AGBL1: variants seen among roughly 807,000 people sequenced by gnomAD.
AGBL1 encodes the protein AGBL carboxypeptidase 1, also known as cytosolic carboxypeptidase 4.
In AGBL1, 130 loss-of-function variants were observed where a neutral mutation model predicts 118.9. The ratio of observed to expected loss-of-function variants is 1.09; its 90% CI spans 0.95 to 1.26. The LOEUF (loss-of-function observed/expected upper bound fraction) is 1.26. Among genes scored for constraint, AGBL1 ranks in the 50% most tolerant of loss-of-function variants. AGBL1 has a pLI of 0.00. For missense variants in AGBL1, 1,584 were observed against 1,298.1 expected (o/e 1.22, Z -3.38); for synonymous variants, 555 against 478.9 (o/e 1.16, Z -2.08).
chr15:86,630,832 G>A (rs1384958536), intron 21 of AGBL1: 2 of 152,186 alleles, frequency 1.3e-5, no homozygotes, highest in Non-Finnish European at 2.9e-5. Flanking sequence ...AAAATGTAGA[G>A]GTAAGTAAAA....
chr15:86,718,743 A>G (rs1243098589), intron 22 of AGBL1, among the ~76,000 whole-genome samples: 2 of 152,214 alleles, frequency 1.3e-5, no homozygotes, highest in African/African-American at 4.8e-5. Flanking sequence ...GTATGTAGCC[A>G]GGAGGAGGCC....
At chr15:86,167,458 C>G in intron 5 of AGBL1, among the ~76,000 whole-genome samples, 1 of 152,138 alleles carries the variant, frequency 6.6e-6, no homozygotes, top group Non-Finnish European at 1.5e-5. Context: ...GTTGGCCAGG[C>G]TGATCTTGAA....
intron 17 of AGBL1, among the ~76,000 whole-genome samples, chr15:86,338,722 A>G (rs1191410357): frequency 6.6e-6 from 1 of 152,142 alleles, no homozygotes; most frequent in Non-Finnish European, 1.5e-5. Context: ...AAATGGTTTG[A>G]ATGGGCTGCC....
intron 23 of AGBL1, among the ~76,000 whole-genome samples, chr15:86,922,473 G>A (rs1448322701): frequency 6.6e-6 from 1 of 152,132 alleles, no homozygotes; most frequent in Non-Finnish European, 1.5e-5. Flanking sequence ...TGTATTTTTA[G>A]TAGAGACAGG....
chr15:86,354,456 G>T (rs2080680989), intron 17 of AGBL1, among the ~76,000 whole-genome samples: 1 of 152,174 alleles, frequency 6.6e-6, no homozygotes, highest in Non-Finnish European at 1.5e-5. Context: ...TGTCAGAAAA[G>T]GACCAGGGAT....
intron 3 of AGBL1, among the ~76,000 whole-genome samples, chr15:86,150,055 A>T (rs2077086693): frequency 6.6e-6 from 1 of 152,236 alleles, no homozygotes; most frequent in South Asian, 2.1e-4. Flanking sequence ...TGAAGGCAGA[A>T]ATAAAGATGT....
At chr15:86,364,943 G>A (rs1480633741) in intron 17 of AGBL1, among the ~76,000 whole-genome samples, 2 of 113,116 alleles carry the variant, frequency 1.8e-5, no homozygotes, top group African/African-American at 6.8e-5. Context: ...GAGCCGCATT[G>A]ATTTATATGT....
intron 22 of AGBL1, among the ~76,000 whole-genome samples, chr15:86,761,609 A>G (rs891253203): frequency 2.6e-5 from 4 of 152,078 alleles, no homozygotes; most frequent in African/African-American, 9.7e-5. Context: ...TCTCAACTGC[A>G]ATGAAATTTG....
At chr15:86,704,205 A>G (rs1429570008) in intron 22 of AGBL1, among the ~76,000 whole-genome samples, 1 of 152,204 alleles carries the variant, frequency 6.6e-6, no homozygotes, top group Non-Finnish European at 1.5e-5. Flanking sequence ...AACCTAGGCA[A>G]TACCATTCAG....
intron 18 of AGBL1, among the ~76,000 whole-genome samples, chr15:86,475,160 A>G (rs1009114466): frequency 1.3e-5 from 2 of 152,228 alleles, no homozygotes; most frequent in African/African-American, 2.4e-5. Context: ...TCTAAAAATC[A>G]GAGTGCCTCT....
At chr15:86,224,776 G>T in intron 5 of AGBL1, 138 bp from the exon 6 acceptor site, 1 of 771,548 alleles carries the variant, frequency 1.3e-6, no homozygotes, top group South Asian at 1.6e-5. Context: ...TGGTCAGCGG[G>T]GCAATCAATA....
chr15:86,257,994 T>C lies in AGBL1; in HGVS notation c.932T>C (p.Val311Ala). The C allele has an allele frequency of 2.5e-6, 4 of 1,613,764 alleles. No individual in the cohort carries two copies. The highest frequency in any genetic ancestry group is 3.4e-6 in the Non-Finnish European group (4 of 1,179,812). ...EDFEDDGDDE[V>A]DKDSDTEDGK... ...TTTGAAGATGATGGCGATGATGAAG[T>C]GGACAAAGACTCTGATACTGAAGAT... The change falls in exon 9 of 23, where the codon GTG becomes GCG. Residue 311 changes from valine (V) to alanine (A), a missense_variant. Physicochemically the swap from Val to Ala is moderately conservative, Grantham distance 64. Transcript: ENST00000614907.
At chr15:86,763,370 C>A (rs574976971) in intron 22 of AGBL1, among the ~76,000 whole-genome samples, 68 of 151,846 alleles carry the variant, frequency 4.5e-4, no homozygotes, top group African/African-American at 1.4e-3. Context: ...AATATTGTAT[C>A]CTCAATGAAT....
At chr15:86,230,159 C>T (rs1254970100) in intron 6 of AGBL1, among the ~76,000 whole-genome samples, 1 of 152,158 alleles carries the variant, frequency 6.6e-6, no homozygotes. Flanking sequence ...CAGCCTGTTG[C>T]TCCAGGAGGC....
intron 24 of AGBL1, among the ~76,000 whole-genome samples, chr15:87,005,969 T>A (rs12324477): frequency 2.1e-3 from 316 of 152,324 alleles, no homozygotes; most frequent in African/African-American, 7.3e-3. Context: ...CTCCAGACCC[T>A]GTTTGCCTGG....
intron 16 of AGBL1, among the ~76,000 whole-genome samples, chr15:86,283,829 C>G (rs997920053): frequency 6.6e-6 from 1 of 152,082 alleles, no homozygotes; most frequent in Non-Finnish European, 1.5e-5. Context: ...TCTTTGACAA[C>G]AAGGACATCT....
intron 23 of AGBL1, among the ~76,000 whole-genome samples, chr15:86,965,351 G>A (rs1256929308): frequency 6.6e-6 from 1 of 152,024 alleles, no homozygotes; most frequent in Non-Finnish European, 1.5e-5. Flanking sequence ...GTATCTCATT[G>A]TGGTTTTGGT....
intron 18 of AGBL1, among the ~76,000 whole-genome samples, chr15:86,439,048 G>A (rs73455655): frequency 0.011 from 1,736 of 152,136 alleles, 39 homozygotes; most frequent in African/African-American, 0.039. Flanking sequence ...TCTTGTTTGC[G>A]GGTGGCAAAC....
At chr15:86,628,430 G>C (rs28623731) in intron 21 of AGBL1, among the ~76,000 whole-genome samples, 2,719 of 152,238 alleles carry the variant, frequency 0.018, 79 homozygotes, top group African/African-American at 0.061. Context: ...CTAGAACATA[G>C]CACTGATAGG....
Sources: allele counts gnomAD v4.1 joint callset (sites outside exome capture counted in the v4.1 genomes callset), GRCh38; gene constraint gnomAD v4.1.1; transcripts MANE v1.5; gene names NCBI Gene and HGNC (gene_info 2026-07-23, HGNC 2026-07-21).